C5: variants seen among roughly 807,000 people sequenced by gnomAD.
The protein encoded by C5 is C3 and PZP-like alpha-2-macroglobulin domain-containing protein 4.
A neutral mutation model predicts 218.8 loss-of-function variants in C5; 140 were observed. The ratio of observed to expected loss-of-function variants is 0.64; its 90% CI spans 0.56 to 0.74. C5 has a LOEUF of 0.74. Ranked by LOEUF, C5 falls within the 30% of genes least tolerant of loss-of-function variation. The pLI is 0.00. For synonymous variants in C5, 614 were observed against 682.3 expected (o/e 0.90, Z 1.56); for missense variants, 1,700 against 1,969.6 (o/e 0.86, Z 2.59).
intron 9 of C5, 47 bp from the exon 10 acceptor site, chr9:121,023,566 G>C (rs1159084760): frequency 2.0e-6 from 2 of 980,278 alleles, no homozygotes; most frequent in South Asian, 2.6e-5. Context: ...GGAGTATCAT[G>C]ATCTGTATGG....
At chr9:121,058,587 A>C in the C5 span, among the ~76,000 whole-genome samples, 1 of 152,072 alleles carries the variant, frequency 6.6e-6, no homozygotes, top group Non-Finnish European at 1.5e-5. Context: ...TACAGGGGTG[A>C]GCCACCATGC....
chr9:121,015,283 AAAG>A (rs1564152141), intron 15 of C5, 22 bp from the exon 16 acceptor site: 36 of 1,523,678 alleles, frequency 2.4e-5, no homozygotes, highest in Non-Finnish European at 3.1e-5. Context: ...AAAAAAAGAT[AAAG>A]AAGAAGGATT....
At position 120,952,569 on chromosome 9, in the gene C5, C is replaced by A; in HGVS notation, c.*170G>T. 1.6e-6 allele frequency: 1 copy of A among 612,370 alleles called. No individual in the cohort carries two copies. The highest frequency in any genetic ancestry group is 2.8e-6 in the Non-Finnish European group (1 of 357,388). 37.9% of individuals were successfully genotyped at this position (612,370 alleles called of 1,614,324 possible). On this transcript the variant is annotated 3_prime_UTR_variant, in exon 41 of 41. Transcript: ENST00000223642. ...AAGGCCATGTTATTTCAGAAAGTTACAGCATTTGAAATCATTCTCTAATAA... is the reference window on the plus strand; with the variant it reads ...AAGGCCATGTTATTTCAGAAAGTTAAAGCATTTGAAATCATTCTCTAATAA...
chr9:121,039,863 T>C (rs2047561678), intron 3 of C5, among the ~76,000 whole-genome samples: 1 of 152,050 alleles, frequency 6.6e-6, no homozygotes, highest in African/African-American at 2.4e-5. Flanking sequence ...GGTCTCGATC[T>C]CCTGACCTTG....
At chr9:120,997,373 A>G (rs2047125108) in intron 21 of C5, among the ~76,000 whole-genome samples, 174 bp downstream of exon 21, 1 of 152,216 alleles carries the variant, frequency 6.6e-6, no homozygotes, top group Non-Finnish European at 1.5e-5. Flanking sequence ...GCACGATTTC[A>G]GACTTACAGA....
At chr9:121,037,302 G>GTTTTTTTTTTTTTTTT (rs201849062) in intron 4 of C5, among the ~76,000 whole-genome samples, 1 of 136,724 alleles carries the variant, frequency 7.3e-6, no homozygotes, top group African/African-American at 2.7e-5. Flanking sequence ...TTGTTTTTTG[G>GTTTTTTTTTTTTTTTT]TTTTTTTTTT....
At chr9:121,020,207 G>C (rs776961490) in intron 11 of C5, 28 bp from the exon 12 acceptor site, 3 of 1,458,592 alleles carry the variant, frequency 2.1e-6, no homozygotes, top group Non-Finnish European at 1.9e-6. Flanking sequence ...AAAAAGACAT[G>C]TATACTGTGA....
At chr9:121,048,012 C>A (rs2047642262) in intron 1 of C5, among the ~76,000 whole-genome samples, 1 of 152,058 alleles carries the variant, frequency 6.6e-6, no homozygotes. Flanking sequence ...TTAATTTTCC[C>A]AAGGCCACAC....
intron 40 of C5, among the ~76,000 whole-genome samples, chr9:120,953,172 T>C (rs2046758652): frequency 6.6e-6 from 1 of 152,138 alleles, no homozygotes; most frequent in African/African-American, 2.4e-5. Flanking sequence ...GATCTGCCCG[T>C]CTTGGCCTCC....
At chr9:121,034,228 A>T (rs2047503540) in intron 5 of C5, among the ~76,000 whole-genome samples, 1 of 152,002 alleles carries the variant, frequency 6.6e-6, no homozygotes, top group African/African-American at 2.4e-5. Context: ...CCTATTACAA[A>T]TTTCTTGAAA....
At position 121,019,970 on chromosome 9, in the gene C5, A is replaced by G. The variant is rs1445154470; in HGVS notation, c.1506+6T>C. The G allele has an allele frequency of 6.5e-7, 1 of 1,534,088 alleles. No individual in the cohort carries two copies. The highest frequency in any genetic ancestry group is 1.7e-5 in the Admixed American group (1 of 59,922). The stretch of plus-strand genomic sequence containing the variant: ...ATAAGATGTAAATCCATCATTATGT[A>G]CTTACCAAGTAATTATAGTGAGTTA... On this transcript the variant is annotated splice_donor_region_variant and intron_variant, in intron 12 of 40. Coordinates refer to ENST00000223642, the MANE Select transcript of C5 (RefSeq NM_001735.3).
chr9:120,972,376 C>T (rs760725958), intron 30 of C5, among the ~76,000 whole-genome samples: 6 of 152,180 alleles, frequency 3.9e-5, no homozygotes, highest in Non-Finnish European at 5.9e-5. Flanking sequence ...CAATGGAGAT[C>T]GTTTTCATTA....
Position 121,043,054 on chromosome 9 carries a change from C to A in C5, c.371G>T (p.Gly124Val). ...SKRMPITYDN[G>V]FLFIHTDKPV... ...TTTGTCTGTATGAATGAAGAGAAAT[C>A]CATTGTCATAGGTTATTGGCATTCT... The change falls in exon 3 of 41, where the codon GGA becomes GTA. Residue 124 changes from glycine to valine, a missense_variant. Gly to Val is a moderately radical substitution (Grantham distance 109). Coordinates refer to ENST00000223642, the MANE Select transcript of C5 (RefSeq NM_001735.3). 6.2e-7 allele frequency: 1 copy of A among 1,613,000 alleles called. No homozygotes were observed. Among genetic ancestry groups the A allele is most frequent in the Non-Finnish European group, 8.5e-7 (1 of 1,179,246 alleles).
intron 32 of C5, among the ~76,000 whole-genome samples, chr9:120,969,935 T>C (rs971932777): frequency 6.6e-6 from 1 of 152,218 alleles, no homozygotes; most frequent in Admixed American, 6.5e-5. Context: ...TATTGATCAA[T>C]AGCAAATACA....
At chr9:121,064,921 C>T in the C5 span, among the ~76,000 whole-genome samples, 149 of 152,034 alleles carry the variant, frequency 9.8e-4, 1 homozygote, top group East Asian at 0.023. Flanking sequence ...AAAAATTAGC[C>T]AGACATGGTG....
intron 25 of C5, among the ~76,000 whole-genome samples, chr9:120,984,901 T>G (rs778219264): frequency 2.6e-5 from 4 of 151,904 alleles, no homozygotes; most frequent in African/African-American, 9.7e-5. Context: ...TTTGTATTTT[T>G]AGTAGAGACA....
intron 23 of C5, 117 bp from the exon 24 acceptor site, chr9:120,989,897 G>C: frequency 1.3e-6 from 1 of 774,906 alleles, no homozygotes; most frequent in Non-Finnish European, 2.2e-6. Flanking sequence ...CTAGGCAGTT[G>C]ACTTGCTTCT....
In C5 at chr9:121,013,878, C is replaced by T; in HGVS notation, c.2252G>A (p.Arg751Lys). The T allele has an allele frequency of 6.2e-7, 1 of 1,613,684 alleles. No homozygotes were observed. Residue 751 changes from arginine (R) to lysine (K), a missense_variant, in exon 17 of 41, where the codon AGG becomes AAG. Physicochemically the swap from Arg to Lys is conservative, Grantham distance 26 (BLOSUM62 2). Coordinates refer to ENST00000223642, the MANE Select transcript of C5 (RefSeq NM_001735.3). ...NISHKDMQLG[R>K]LHMKTLLPVS... ...ATAGAAAATGTCATACTTACGTAGCCTTCCCAATTGCATGTCTTTATGAGA... is the reference window on the plus strand; with the variant it reads ...ATAGAAAATGTCATACTTACGTAGCTTTCCCAATTGCATGTCTTTATGAGA...
chr9:120,953,922 A>G (rs2046766637), intron 39 of C5, 54 bp from the exon 40 acceptor site: 2 of 1,592,626 alleles, frequency 1.3e-6, no homozygotes, highest in African/African-American at 1.3e-5. Context: ...TAATGTCACA[A>G]TTATAAACTC....
Sources: allele counts gnomAD v4.1 joint callset (sites outside exome capture counted in the v4.1 genomes callset), GRCh38; gene constraint gnomAD v4.1.1; transcripts MANE v1.5; gene names NCBI Gene and HGNC (gene_info 2026-07-23, HGNC 2026-07-21).